TNRC6A: variants seen among roughly 807,000 people sequenced by gnomAD.
The protein encoded by TNRC6A is trinucleotide repeat containing adaptor 6A, also known as trinucleotide repeat-containing gene 6A protein.
TNRC6A carries 44 observed loss-of-function variants against 221.2 expected under a neutral mutation model. That is an observed-to-expected ratio of 0.20 (90% CI 0.16 to 0.26). The LOEUF is 0.26. Among genes scored for constraint, TNRC6A ranks in the 10% least tolerant of loss-of-function variants. The pLI is 1.00. For synonymous variants in TNRC6A, 847 were observed against 838.5 expected (o/e 1.01, Z -0.18); for missense variants, 2,199 against 2,404.4 (o/e 0.91, Z 1.79).
In TNRC6A at chr16:24,799,649, A is replaced by G. The variant is rs79629451; in HGVS notation, c.3694+1683A>G. On this transcript the variant is annotated intron_variant, in intron 11 of 24. Transcript: ENST00000395799. Reference sequence around the variant, plus strand: ...ATACAAATTAACACATCCATATGAGAAACAATAGAAAATATGCAAATCTAC... The same window carrying G: ...ATACAAATTAACACATCCATATGAGGAACAATAGAAAATATGCAAATCTAC... Among the ~76,000 whole-genome samples the G allele has an allele frequency of 0.018, 2,751 of 152,340 alleles. 182 individuals are homozygous for G. In the East Asian group the frequency reaches 0.21, roughly 11 times the overall value.
chr16:24,656,216 A>G (rs1235041122), intron 2 of TNRC6A, among the ~76,000 whole-genome samples: 1 of 151,638 alleles, frequency 6.6e-6, no homozygotes, highest in East Asian at 1.9e-4. Context: ...TAATCCCAGC[A>G]CTTTGGGAGG....
At chr16:24,811,419 A>G (rs2058541658) in intron 18 of TNRC6A, among the ~76,000 whole-genome samples, 1 of 152,110 alleles carries the variant, frequency 6.6e-6, no homozygotes, top group Non-Finnish European at 1.5e-5. Flanking sequence ...ACATGTATAG[A>G]AGGAGATTTT....
chr16:24,801,532 TC>T (rs1306518278), intron 11 of TNRC6A, among the ~76,000 whole-genome samples: 5,609 of 139,086 alleles, frequency 0.04, 173 homozygotes, highest in Non-Finnish European at 0.063. Context: ...CATGCTACTC[TC>T]TTTTTTTTTT....
At chr16:24,719,368 T>G (rs1364980837) in intron 2 of TNRC6A, among the ~76,000 whole-genome samples, 3 of 151,960 alleles carry the variant, frequency 2.0e-5, no homozygotes, top group African/African-American at 7.2e-5. Context: ...TACAAAAAAT[T>G]TTAAAAATCA....
chr16:24,810,749 T>C (rs942448721), intron 18 of TNRC6A, among the ~76,000 whole-genome samples: 1 of 152,104 alleles, frequency 6.6e-6, no homozygotes. Flanking sequence ...CATGGAAAAC[T>C]TGTGCCAAGA....
intron 6 of TNRC6A, 41 bp downstream of exon 6, chr16:24,791,858 A>G: frequency 6.9e-7 from 1 of 1,455,686 alleles, no homozygotes; most frequent in Admixed American, 2.9e-5. Flanking sequence ...GTTTTAACTT[A>G]CTGTTATTAT....
intron 2 of TNRC6A, among the ~76,000 whole-genome samples, chr16:24,704,587 T>G (rs1596521074): frequency 7.4e-6 from 1 of 135,408 alleles, no homozygotes; most frequent in Non-Finnish European, 1.5e-5. Context: ...ATCACTTGAA[T>G]CTGGGAGGTG....
At chr16:24,637,888 G>A (rs538431775) in intron 1 of TNRC6A, among the ~76,000 whole-genome samples, 142 of 152,174 alleles carry the variant, frequency 9.3e-4, no homozygotes, top group African/African-American at 3.3e-3. Flanking sequence ...TGGTTCAAGC[G>A]ATTCTCCTGT....
rs1567365134 is a variant in TNRC6A at position 24,696,732 on chromosome 16, A to AAG, written n.403-53993_403-53992insGA. 4.8e-3 allele frequency among the ~76,000 whole-genome samples: 690 copies of AAG among 143,544 alleles called. 12 individuals carry two copies. The highest frequency in any genetic ancestry group is 0.018 in the African/African-American group (662 of 37,508). 94.2% of individuals were successfully genotyped at this position (143,544 alleles called of 152,430 possible). Reference sequence around the variant, plus strand: ...CAACAGAGCGAGACCCTGTCTCAAAAAAAAAAAAAAAAAGAAAGGAAAGGA... The same window carrying AAG: ...CAACAGAGCGAGACCCTGTCTCAAAAAGAAAAAAAAAAAAAGAAAGGAAAGGA... On this transcript the variant is annotated intron_variant and non_coding_transcript_variant, in intron 2 of 2. Coordinates refer to the TNRC6A transcript ENST00000566108.
intron 1 of TNRC6A, among the ~76,000 whole-genome samples, chr16:24,631,176 A>C (rs1370671131): frequency 6.6e-6 from 1 of 152,166 alleles, no homozygotes; most frequent in Non-Finnish European, 1.5e-5. Flanking sequence ...TTTATTTAGC[A>C]GCTTGCTTGG....
At chr16:24,752,005 G>C (rs2057147912) in intron 3 of TNRC6A, among the ~76,000 whole-genome samples, 1 of 152,168 alleles carries the variant, frequency 6.6e-6, no homozygotes, top group Admixed American at 6.5e-5. Context: ...TTGGGGGAAA[G>C]GGAGGGAACC....
chr16:24,758,061 A>G (rs2057288604), intron 3 of TNRC6A, among the ~76,000 whole-genome samples: 1 of 152,224 alleles, frequency 6.6e-6, no homozygotes, highest in Admixed American at 6.5e-5. Context: ...CCATTTAAAA[A>G]ATTATATACT....
intron 2 of TNRC6A, chr16:24,663,201 C>CA (rs889028803): frequency 6.5e-6 from 1 of 153,674 alleles, no homozygotes; most frequent in Non-Finnish European, 1.5e-5. Flanking sequence ...TCGCAGAACT[C>CA]AAAAAAGCTG....
intron 2 of TNRC6A, among the ~76,000 whole-genome samples, chr16:24,649,816 CTTTTTTTTTTT>C (rs35308503): frequency 4.1e-4 from 32 of 78,926 alleles, no homozygotes; most frequent in South Asian, 9.4e-4. Flanking sequence ...CTCTCTCTCT[CTTTTTTTTTTT>C]TTTTTTTTTT....
At chr16:24,666,934 G>A (rs996709769) in intron 2 of TNRC6A, among the ~76,000 whole-genome samples, 1 of 151,552 alleles carries the variant, frequency 6.6e-6, no homozygotes, top group Non-Finnish European at 1.5e-5. Flanking sequence ...TGGCCGATAT[G>A]ACGAAACACC....
upstream of TNRC6A, chr16:24,729,650 C>T (rs2056561412): frequency 5.4e-6 from 3 of 558,288 alleles, 1 homozygote; most frequent in East Asian, 1.1e-4. Context: ...GTGGGGCATT[C>T]ACTTCCGGTC....
chr16:24,818,557 T>A (rs772358149), intron 20 of TNRC6A, 36 bp from the exon 21 acceptor site: 1 of 1,560,164 alleles, frequency 6.4e-7, no homozygotes, highest in African/African-American at 1.4e-5. Flanking sequence ...CCACGTCCCT[T>A]GCTCTGGTGG....
At chr16:24,799,375 C>T (rs551707161) in intron 11 of TNRC6A, among the ~76,000 whole-genome samples, 3 of 152,264 alleles carry the variant, frequency 2.0e-5, no homozygotes, top group Non-Finnish European at 2.9e-5. Context: ...CGCATTTGTC[C>T]GGTACAATGG....
chr16:24,728,800 T>C (rs766456388), upstream of TNRC6A, among the ~76,000 whole-genome samples: 2 of 152,214 alleles, frequency 1.3e-5, no homozygotes, highest in African/African-American at 2.4e-5. Context: ...TCTATCTACA[T>C]GTATGTATCT....
Sources: gnomAD v4.1 joint callset for allele counts (sites outside exome capture counted in the v4.1 genomes callset) on GRCh38, gnomAD v4.1.1 for gene constraint, MANE v1.5 for transcripts, NCBI Gene and HGNC (gene_info 2026-07-23, HGNC 2026-07-21) for gene names.